Variants in ZNF831 observed in about 807,000 individuals in gnomAD.
ZNF831 encodes zinc finger protein 831.
A neutral mutation model predicts 95.8 loss-of-function variants in ZNF831; 59 were observed. The observed-to-expected ratio is 0.62, with a 90% CI of 0.50 to 0.77. The LOEUF is 0.77. Ranked by LOEUF, ZNF831 falls within the 30% of genes least tolerant of loss-of-function variation. The pLI, the probability that ZNF831 is intolerant of heterozygous loss-of-function variation, is 0.00. For synonymous variants in ZNF831, 961 were observed against 925.5 expected (o/e 1.04, Z -0.70); for missense variants, 2,205 against 2,164.0 (o/e 1.02, Z -0.38).
intron 1 of ZNF831, among the ~76,000 whole-genome samples, chr20:59,184,973 T>C (rs1982897969): frequency 6.6e-6 from 1 of 152,152 alleles, no homozygotes; most frequent in African/African-American, 2.4e-5. Context: ...ACGCGGCAGA[T>C]GAGGGATGCG....
In ZNF831 at chr20:59,254,072, G is replaced by A. The variant is rs2146763554; in HGVS notation, c.4363G>A (p.Asp1455Asn). Residue 1455 changes from aspartate (D) to asparagine (N), a missense_variant, in exon 6 of 6, where the codon GAT becomes AAT. By Grantham distance (23) the Asp-to-Asn change is conservative. Coordinates refer to ENST00000371030, the MANE Select transcript of ZNF831 (RefSeq NM_178457.3). This position sits in a 1 kb window ranked among gnomAD's most constrained non-coding sequence, Gnocchi z 4.5. ...GGAGACTCAGCTGCTGGCCTCCCAG[G>A]ATTCAGTCTCAACAGATCCCAAACC... The part of the protein sequence containing the change: ...LLETQLLASQ[D>N]SVSTDPKPYI... 6.2e-7 allele frequency: 1 copy of A among 1,614,060 alleles called. No homozygotes were observed. Among genetic ancestry groups the A allele is most frequent in the Non-Finnish European group, 8.5e-7 (1 of 1,180,034 alleles).
Position 59,193,150 on chromosome 20 carries a change from G to C in ZNF831, c.2131G>C (p.Gly711Arg), listed in dbSNP as rs1450770633. Residue 711 changes from glycine (G) to arginine (R), a missense_variant, in exon 2 of 6, where the codon GGG (glycine) becomes CGG (arginine). Physicochemically the swap from Gly to Arg is moderately radical, Grantham distance 125. Transcript: ENST00000371030. ...CTTGGTGACTGAACCCACTAAGCAT[G>C]GGGAGACGGTGGCCAGGAGAGGAGA... ...ASLVTEPTKHGETVARRGDSD... is the reference protein window; with the variant it reads ...ASLVTEPTKHRETVARRGDSD... 6.3e-7 allele frequency: 1 copy of C among 1,576,376 alleles called. No homozygotes were observed. The highest frequency in any genetic ancestry group is 1.1e-5 in the South Asian group (1 of 86,992).
chr20:59,240,301 A>T (rs1987251774), intron 4 of ZNF831, among the ~76,000 whole-genome samples: 3 of 152,152 alleles, frequency 2.0e-5, no homozygotes, highest in Non-Finnish European at 4.4e-5. Flanking sequence ...TTTCTGTCAG[A>T]TCATAGATGT....
intron 4 of ZNF831, among the ~76,000 whole-genome samples, chr20:59,229,700 A>G (rs772310850): frequency 1.3e-5 from 2 of 152,020 alleles, no homozygotes; most frequent in African/African-American, 4.8e-5. Flanking sequence ...TTGACCTAGG[A>G]CCTTTCTCTG....
chr20:59,202,077 GT>G (rs1320225808), intron 3 of ZNF831, among the ~76,000 whole-genome samples: 1 of 152,022 alleles, frequency 6.6e-6, no homozygotes, highest in Non-Finnish European at 1.5e-5. Flanking sequence ...GAACACTATT[GT>G]TTTGTATCTT....
At chr20:59,163,595 C>T (rs532457753), upstream of ZNF831, among the ~76,000 whole-genome samples, 1 of 152,140 alleles carries the variant, frequency 6.6e-6, no homozygotes, top group Non-Finnish European at 1.5e-5. Flanking sequence ...AACTTGCCTG[C>T]ACAGAACAAC....
chr20:59,249,860 A>G (rs1987796961), intron 4 of ZNF831, among the ~76,000 whole-genome samples: 1 of 152,154 alleles, frequency 6.6e-6, no homozygotes, highest in African/African-American at 2.4e-5. Flanking sequence ...AGAGGTTAGT[A>G]ATTAAAGGTG....
chr20:59,163,310 G>A (rs62204010), upstream of ZNF831, among the ~76,000 whole-genome samples: 962 of 152,116 alleles, frequency 6.3e-3, 5 homozygotes, highest in Middle Eastern at 0.02. Context: ...TGATTGCTCT[G>A]GCTAGGATTT....
intron 4 of ZNF831, among the ~76,000 whole-genome samples, chr20:59,239,645 A>G (rs1968167134): frequency 6.6e-6 from 1 of 151,404 alleles, no homozygotes; most frequent in Admixed American, 6.6e-5. Flanking sequence ...CCTGGGTTCA[A>G]GCGATTCTCC....
At chr20:59,149,136 G>A (rs539533999) in intron 2 of ZNF831, among the ~76,000 whole-genome samples, 1 of 152,200 alleles carries the variant, frequency 6.6e-6, no homozygotes, top group African/African-American at 2.4e-5. Context: ...AGGGCTCTCA[G>A]ACCCCATCCT....
At position 59,142,141 on chromosome 20, in the gene ZNF831, G is replaced by GAT. The variant is rs200161563; in HGVS notation, c.-1424-4089_-1424-4088dup. ...CCATATGGACTAAGTGAACCAATCA[G>GAT]ATCCTCCCTCAACACAGTTGAGTGA... is the stretch of plus-strand genomic sequence containing the variant. On this transcript the variant is annotated intron_variant, in intron 1 of 7. Transcript: ENST00000637017. Among the ~76,000 whole-genome samples, 1,349 of 152,290 alleles carry GAT rather than the reference G, an allele frequency of 8.9e-3. 13 individuals are homozygous for GAT. Among genetic ancestry groups the GAT allele is most frequent in the African/African-American group, 0.031 (1,270 of 41,548 alleles).
At position 59,217,022 on chromosome 20, in the gene ZNF831, G is replaced by A. The variant is rs150469241; in HGVS notation, c.4027+9966G>A. Among the ~76,000 whole-genome samples, 31 of 151,868 alleles carry A rather than the reference G, an allele frequency of 2.0e-4. No homozygotes were observed. In the East Asian group the frequency reaches 2.9e-3, roughly 14 times the overall value. On this transcript the variant is annotated intron_variant, in intron 4 of 5. Transcript: ENST00000371030. The surrounding 1 kb of genome is among the most constrained non-coding windows in gnomAD (Gnocchi z 4.4). Reference sequence around the variant, plus strand: ...GTTAATTATTAGTTTTTAATTACACGTGTAATCATGAATAATACTTAACAC... The same window carrying A: ...GTTAATTATTAGTTTTTAATTACACATGTAATCATGAATAATACTTAACAC...
At chr20:59,200,711 T>C (rs143575084) in intron 3 of ZNF831, among the ~76,000 whole-genome samples, 2 of 152,296 alleles carry the variant, frequency 1.3e-5, no homozygotes, top group Non-Finnish European at 2.9e-5. Flanking sequence ...TCTAGAATTT[T>C]ATAGAAACAG....
chr20:59,240,615 C>G (rs1477736567), intron 4 of ZNF831, among the ~76,000 whole-genome samples: 1 of 151,942 alleles, frequency 6.6e-6, no homozygotes, highest in Non-Finnish European at 1.5e-5. Context: ...TCCTGGCTAA[C>G]ACGGTGAAAC....
Position 59,258,510 on chromosome 20 carries a change from A to G in ZNF831, c.*3767A>G, listed in dbSNP as rs1256746878. 1.3e-5 allele frequency: 2 copies of G among 152,634 alleles called. No individual in the cohort carries two copies. Among genetic ancestry groups the G allele is most frequent in the African/African-American group, 2.4e-5 (1 of 41,446 alleles). 9.5% of individuals were successfully genotyped at this position (152,634 alleles called of 1,614,324 possible). A position where few individuals can be genotyped will look rare whatever the true frequency, so the allele number is the denominator to read the frequency against. Reference sequence around the variant, plus strand: ...CTTTATAGTTATGGAAACTGTCATCATTATCGGAATGTGCTGCTGCTCAAC... The same window carrying G: ...CTTTATAGTTATGGAAACTGTCATCGTTATCGGAATGTGCTGCTGCTCAAC... On this transcript the variant is annotated 3_prime_UTR_variant, in exon 6 of 6. Transcript: ENST00000371030.
intron 4 of ZNF831, among the ~76,000 whole-genome samples, chr20:59,221,975 A>AT (rs977014887): frequency 2.6e-5 from 4 of 151,992 alleles, no homozygotes; most frequent in African/African-American, 4.8e-5. Flanking sequence ...TAATTTCCTT[A>AT]TTTTTTTTCC....
intron 1 of ZNF831, among the ~76,000 whole-genome samples, chr20:59,134,661 A>G (rs2146438765): frequency 6.6e-6 from 1 of 152,276 alleles, no homozygotes; most frequent in South Asian, 2.1e-4. Context: ...CACTGTTCTC[A>G]CATGCTTGGC....
In ZNF831 at chr20:59,192,805, A is replaced by AT; in HGVS notation, c.1787dup (p.Met596IlefsTer31). 6.2e-7 allele frequency: 1 copy of AT among 1,611,936 alleles called. No homozygotes were observed. The highest frequency in any genetic ancestry group is 8.5e-7 in the Non-Finnish European group (1 of 1,179,456). On this transcript the variant is annotated frameshift_variant, in exon 2 of 6. Coordinates refer to ENST00000371030, the MANE Select transcript of ZNF831 (RefSeq NM_178457.3). LOFTEE classifies it high-confidence loss of function. The surrounding 1 kb of genome is among the most constrained non-coding windows in gnomAD (Gnocchi z 5.2). ...AAAGAGAACTGCTGCGCGGGAGGCC[A>AT]TGGCCGGCAAGGGCAGAGCGGGCGG...
At chr20:59,241,357 C>T (rs1388678448) in intron 4 of ZNF831, among the ~76,000 whole-genome samples, 1 of 149,526 alleles carries the variant, frequency 6.7e-6, no homozygotes, top group African/African-American at 2.5e-5. Flanking sequence ...GAGGCTTTTG[C>T]TGAAAAAAAA....
Sources: gnomAD v4.1 joint callset for allele counts (sites outside exome capture counted in the v4.1 genomes callset) on GRCh38, gnomAD v4.1.1 for gene constraint, Gnocchi (gnomAD v3.1) non-coding constraint, MANE v1.5 for transcripts, NCBI Gene and HGNC (gene_info 2026-07-23, HGNC 2026-07-21) for gene names.